Variants in ASPM observed in about 807,000 individuals in gnomAD.
ASPM encodes the protein assembly factor for spindle microtubules, also known as abnormal spindle-like microcephaly-associated protein.
In ASPM, 256 loss-of-function variants were observed where a neutral mutation model predicts 366.4. The observed-to-expected ratio is 0.70, with a 90% CI of 0.63 to 0.77. ASPM has a LOEUF of 0.77. Among genes scored for constraint, ASPM ranks in the 30% least tolerant of loss-of-function variants. The probability of loss-of-function intolerance (pLI) is 0.00; values close to 1 mark genes in which losing one functional copy is unlikely to be tolerated. For synonymous variants in ASPM, 1,414 were observed against 1,342.9 expected (o/e 1.05, Z -1.16); for missense variants, 4,146 against 4,090.4 (o/e 1.01, Z -0.37).
intron 6 of ASPM, 65 bp downstream of exon 6, chr1:197,133,285 A>G (rs1658318387): frequency 2.8e-5 from 43 of 1,540,766 alleles, no homozygotes; most frequent in Non-Finnish European, 3.5e-5. Flanking sequence ...AGCCGGGGGA[A>G]AAAAACACAA....
At position 197,100,531 on chromosome 1, in the gene ASPM, A is replaced by G. The variant is rs748201742; in HGVS notation, c.8720T>C (p.Leu2907Ser). The G allele has an allele frequency of 3.1e-6, 5 of 1,611,486 alleles. No homozygotes were observed. Among genetic ancestry groups the G allele is most frequent in the Admixed American group, 1.7e-5 (1 of 59,724 alleles). Reference protein sequence around the residue: ...LSAKHQRQVYLQIRSSVIIIQ... With the variant: ...LSAKHQRQVYSQIRSSVIIIQ... ...AATGATAACACTGCTTCTGATCTGT[A>G]AATAGACTTGTCTTTGATGTTTTGC... The change falls in exon 18 of 28, where the codon TTA (leucine) becomes TCA (serine). Residue 2907 changes from leucine to serine, a missense_variant. Leu to Ser is a moderately radical substitution (Grantham distance 145). Coordinates refer to ENST00000367409, the MANE Select transcript of ASPM (RefSeq NM_018136.5).
Position 197,102,934 on chromosome 1 carries a change from C to T in ASPM, c.6317G>A (p.Gly2106Asp). 1 of 1,612,408 alleles carries T rather than the reference C, an allele frequency of 6.2e-7. No individual in the cohort carries two copies. Among genetic ancestry groups the T allele is most frequent in the Non-Finnish European group, 8.5e-7 (1 of 1,179,058 alleles). ...TTGAATATGTCTTCTAACTCTAATA[C>T]CTCTATAAACAGATTGGATTTTAAT... The part of the protein sequence containing the change: ...TAIKIQSVYR[G>D]IRVRRHIQHM... The change falls in exon 18 of 28, where the codon GGT (glycine) becomes GAT (aspartate). Residue 2106 changes from glycine (G) to aspartate (D), a missense_variant. By Grantham distance (94) the Gly-to-Asp change is moderately conservative. This residue lies in a region of ASPM where 3,624 missense variants were observed against 3,591.7 expected (regional missense o/e 1.01). Coordinates refer to ENST00000367409, the MANE Select transcript of ASPM (RefSeq NM_018136.5).
At chr1:197,138,674 A>T (rs542947089) in intron 4 of ASPM, 2 of 587,990 alleles carry the variant, frequency 3.4e-6, no homozygotes, top group Admixed American at 5.6e-5. Flanking sequence ...ATCAGATTTA[A>T]ATGCTACAAA....
chr1:197,103,828 A>G lies in ASPM; in HGVS notation c.5423T>C (p.Leu1808Ser). ...TTTATAACCTCTGTAAGCTGCTTGC[A>G]AGCAAGTAGCTGCTTTTTTGACTTG... Reference protein sequence around the residue: ...FLQVKKAATCLQAAYRGYKVR... With the variant: ...FLQVKKAATCSQAAYRGYKVR... Residue 1808 changes from leucine to serine, a missense_variant, in exon 18 of 28, where the codon TTG becomes TCG. Leu to Ser is a moderately radical substitution (Grantham distance 145). Around this residue, in one of 3 missense-constraint regions of ASPM, gnomAD observed 3,624 missense variants for 3,591.7 expected, o/e 1.01. Coordinates refer to ENST00000367409, the MANE Select transcript of ASPM (RefSeq NM_018136.5). 1 of 1,612,994 alleles carries G rather than the reference A, an allele frequency of 6.2e-7. No individual in the cohort carries two copies.
intron 3 of ASPM, among the ~76,000 whole-genome samples, chr1:197,140,256 T>C (rs867781606): frequency 2.6e-5 from 4 of 152,198 alleles, no homozygotes; most frequent in Non-Finnish European, 5.9e-5. Context: ...CCTTCCCAGA[T>C]GGGAATCTAC....
In ASPM at chr1:197,142,893, T is replaced by C. The variant is rs780055771; in HGVS notation, c.1359A>G (p.Glu453=). The change falls in exon 3 of 28, where the codon GAA becomes GAG. Residue 453 remains glutamate, a synonymous_variant. Transcript: ENST00000367409. Reference sequence around the variant, plus strand: ...AGTAATTTGACTTCATTTCTACTAGTTCTTCAAAAATAGCTTTGGGAGATT... The same window carrying C: ...AGTAATTTGACTTCATTTCTACTAGCTCTTCAAAAATAGCTTTGGGAGATT... ...GSKSPKAIFE[E]LVEMKSNYYS... 7.4e-6 allele frequency: 12 copies of C among 1,613,746 alleles called. No homozygotes were observed. The Admixed American group carries it at 2.0e-4, about 27-fold the overall frequency.
chr1:197,110,368 T>TA (rs917288336), intron 17 of ASPM, among the ~76,000 whole-genome samples: 2 of 151,946 alleles, frequency 1.3e-5, no homozygotes, highest in Non-Finnish European at 2.9e-5. Flanking sequence ...CATGTATATA[T>TA]AAAAAAAGTG....
chr1:197,086,771 C>T, intron 27 of ASPM, 32 bp downstream of exon 27: 1 of 1,546,798 alleles, frequency 6.5e-7, no homozygotes, highest in Non-Finnish European at 8.9e-7. Flanking sequence ...TGAACAGTGA[C>T]ACAAATTTAT....
At chr1:197,128,372 C>A (rs879111595) in intron 10 of ASPM, 118 bp downstream of exon 10, 125 of 810,120 alleles carry the variant, frequency 1.5e-4, no homozygotes, top group Middle Eastern at 2.9e-4. Context: ...CAATTTTTTT[C>A]AGTACTAAAT....
chr1:197,124,768 A>T, intron 12 of ASPM, 102 bp downstream of exon 12: 1 of 949,036 alleles, frequency 1.1e-6, no homozygotes. Context: ...AAACCTTATT[A>T]AATGATGGTT....
chr1:197,093,329 T>G (rs1051528342), intron 20 of ASPM, 68 bp from the exon 21 acceptor site: 29 of 1,245,492 alleles, frequency 2.3e-5, no homozygotes, highest in Non-Finnish European at 3.3e-5. Flanking sequence ...CACTAGAAGT[T>G]CTTGAATTTC....
rs548086438 is a variant in ASPM at position 197,134,961 on chromosome 1, A to G, written c.2173+135T>C. ...TGTAAATAAAAATTCTTACCTATAC[A>G]AGCATTTAGGCTAATGAACAGGGAA... On this transcript the variant is annotated intron_variant, in intron 5 of 27. Transcript: ENST00000367409. The G allele has an allele frequency of 3.4e-5, 25 of 735,630 alleles. No individual in the cohort carries two copies. In the East Asian group the frequency reaches 6.9e-4, roughly 20 times the overall value. The allele number at this position is 735,630 out of a possible 1,614,324, so 45.6% of individuals were successfully genotyped here. A position where few individuals can be genotyped will look rare whatever the true frequency, so the allele number is the denominator to read the frequency against.
At chr1:197,100,344 C>T in intron 18 of ASPM, 87 bp downstream of exon 18, 1 of 958,542 alleles carries the variant, frequency 1.0e-6, no homozygotes, top group Non-Finnish European at 1.5e-6. Flanking sequence ...TTCTTTATGA[C>T]CTGCTTAAGC....
At chr1:197,138,849 T>G in intron 4 of ASPM, 1 of 866,148 alleles carries the variant, frequency 1.2e-6, no homozygotes, top group African/African-American at 1.6e-5. Context: ...TATTTCTCCT[T>G]CCAGTTGTTT....
chr1:197,090,793 C>A, intron 23 of ASPM, 57 bp downstream of exon 23: 1 of 1,475,038 alleles, frequency 6.8e-7, no homozygotes, highest in Non-Finnish European at 9.5e-7. Context: ...TGTTAGATAT[C>A]ATGTAGATGA....
Position 197,105,189 on chromosome 1 carries a change from G to A in ASPM, c.4066-4C>T, listed in dbSNP as rs761493770. Reference sequence around the variant, plus strand: ...TGGAATATCTTCTCCAATATCCCTGGAAAAGGTAAGAAAGGACACAAAGTA... The same window carrying A: ...TGGAATATCTTCTCCAATATCCCTGAAAAAGGTAAGAAAGGACACAAAGTA... On this transcript the variant is annotated splice_polypyrimidine_tract_variant and splice_region_variant and intron_variant, in intron 17 of 27. Coordinates refer to ENST00000367409, the MANE Select transcript of ASPM (RefSeq NM_018136.5). 6.9e-6 allele frequency: 11 copies of A among 1,594,338 alleles called. No individual in the cohort carries two copies. The African/African-American group carries it at 9.4e-5, about 14-fold the overall frequency.
chr1:197,095,006 T>C (rs1656925641), intron 19 of ASPM, among the ~76,000 whole-genome samples: 1 of 151,782 alleles, frequency 6.6e-6, no homozygotes, highest in African/African-American at 2.4e-5. Context: ...ACATGTGATA[T>C]TTTGATTCAA....
intron 4 of ASPM, among the ~76,000 whole-genome samples, chr1:197,138,390 C>T (rs1408252969): frequency 4.6e-5 from 7 of 152,142 alleles, no homozygotes; most frequent in Admixed American, 1.3e-4. Context: ...GCAACCTCCA[C>T]CTCTGGGGCC....
Position 197,142,825 on chromosome 1 carries a change from T to C in ASPM, c.1427A>G (p.Gln476Arg). The change falls in exon 3 of 28, where the codon CAG becomes CGG. Residue 476 changes from glutamine to arginine, a missense_variant. Gln to Arg is a conservative substitution (Grantham distance 43). Coordinates refer to ENST00000367409, the MANE Select transcript of ASPM (RefSeq NM_018136.5). ...KQNNPKFSAVQDISSHSHNKQ... is the reference protein window; with the variant it reads ...KQNNPKFSAVRDISSHSHNKQ... ...ATTGTGGCTATGACTAGAAATATCC[T>C]GAACTGCAGAAAATTTAGGATTATT... The C allele has an allele frequency of 6.2e-7, 1 of 1,613,610 alleles. No individual in the cohort carries two copies. The highest frequency in any genetic ancestry group is 8.5e-7 in the Non-Finnish European group (1 of 1,179,568).
Sources: allele counts gnomAD v4.1 joint callset (sites outside exome capture counted in the v4.1 genomes callset), GRCh38; gene constraint gnomAD v4.1.1; regional missense constraint gnomAD v4.1.1; transcripts MANE v1.5; gene names NCBI Gene and HGNC (gene_info 2026-07-23, HGNC 2026-07-21).